MYCT1: variants seen among roughly 807,000 people sequenced by gnomAD.
MYCT1 encodes myc target protein 1.
Under a neutral mutation model 15.0 loss-of-function variants are expected in MYCT1, and 12 were observed. The ratio of observed to expected loss-of-function variants is 0.80; its 90% CI spans 0.51 to 1.29. MYCT1 has a LOEUF of 1.29. Among genes scored for constraint, MYCT1 ranks in the 50% most tolerant of loss-of-function variants. MYCT1 has a pLI of 0.00. For missense variants in MYCT1, 287 were observed against 279.1 expected (o/e 1.03, Z -0.20); for synonymous variants, 104 against 102.7 (o/e 1.01, Z -0.07).
At chr6:152,740,618 A>T in the MYCT1 span, among the ~76,000 whole-genome samples, 1 of 152,212 alleles carries the variant, frequency 6.6e-6, no homozygotes, top group Non-Finnish European at 1.5e-5. Flanking sequence ...TAATTAGTTG[A>T]CACCATTTCA....
Position 152,698,022 on chromosome 6 carries a change from C to A in MYCT1, c.120C>A (p.Leu40=). The change falls in exon 1 of 2, where the codon CTC becomes CTA. Residue 40 remains leucine (L), a synonymous_variant. Coordinates refer to ENST00000367245, the MANE Select transcript of MYCT1 (RefSeq NM_025107.3). The part of the protein sequence containing the change: ...DILVFLSVFL[L]FLLFLVDIMA... ...TGGTTTTTCTTTCTGTTTTTCTTCT[C>A]TTTCTTCTATTTCTTGTGGATATTA... The A allele has an allele frequency of 6.2e-7, 1 of 1,610,204 alleles. No homozygotes were observed. Among genetic ancestry groups the A allele is most frequent in the Non-Finnish European group, 8.5e-7 (1 of 1,178,382 alleles).
chr6:152,703,559 T>C lies in MYCT1; in HGVS notation c.196+5461T>C, dbSNP rs548197140. Among the ~76,000 whole-genome samples, 12 of 151,878 alleles carry C rather than the reference T, an allele frequency of 7.9e-5. No individual in the cohort carries two copies. The South Asian group carries it at 1.9e-3, about 24-fold the overall frequency. On this transcript the variant is annotated intron_variant, in intron 1 of 1. Transcript: ENST00000367245. ...AGGCATCAATACAGTTCCCCCTAAT[T>C]ACTTTAGTATGCATATCATTAACAG...
chr6:152,744,833 G>A, the MYCT1 span, among the ~76,000 whole-genome samples: 1 of 152,190 alleles, frequency 6.6e-6, no homozygotes, highest in Admixed American at 6.5e-5. Context: ...TCCCAGCAGA[G>A]GCGGGAGCTG....
At chr6:152,706,985 T>G (rs2099722398) in intron 1 of MYCT1, among the ~76,000 whole-genome samples, 1 of 152,078 alleles carries the variant, frequency 6.6e-6, no homozygotes, top group Non-Finnish European at 1.5e-5. Flanking sequence ...AGTGCAGATA[T>G]CTCTTAGAGA....
At chr6:152,715,803 C>T (rs2099723546) in intron 1 of MYCT1, among the ~76,000 whole-genome samples, 1 of 152,008 alleles carries the variant, frequency 6.6e-6, no homozygotes, top group African/African-American at 2.4e-5. Context: ...AAGTCAGGAG[C>T]CAGCCCATCT....
Position 152,698,063 on chromosome 6 carries a change from C to T in MYCT1, c.161C>T (p.Thr54Ile), listed in dbSNP as rs777684773. 5 of 1,602,954 alleles carry T rather than the reference C, an allele frequency of 3.1e-6. No individual in the cohort carries two copies. The highest frequency in any genetic ancestry group is 4.2e-6 in the Non-Finnish European group (5 of 1,176,756). The change falls in exon 1 of 2, where the codon ACA becomes ATA. Residue 54 changes from threonine (T) to isoleucine (I), a missense_variant. Physicochemically the swap from Thr to Ile is moderately conservative, Grantham distance 89. Coordinates refer to ENST00000367245, the MANE Select transcript of MYCT1 (RefSeq NM_025107.3). ...FLVDIMANNT[T>I]SLGSPWPENF... The stretch of plus-strand genomic sequence containing the variant: ...GTGGATATTATGGCTAATAACACAA[C>T]AAGTTTAGGGAGTCCATGGCCAGAA...
intron 1 of MYCT1, among the ~76,000 whole-genome samples, chr6:152,698,933 C>G (rs1277077906): frequency 6.6e-5 from 10 of 152,030 alleles, no homozygotes; most frequent in Admixed American, 6.6e-4. Flanking sequence ...AAGATGGGCT[C>G]ACATGGGGAG....
the MYCT1 span, among the ~76,000 whole-genome samples, chr6:152,737,537 A>G: frequency 6.6e-6 from 1 of 152,030 alleles, no homozygotes; most frequent in Non-Finnish European, 1.5e-5. Context: ...CCATTACACT[A>G]TGCTCCCTCT....
At chr6:152,745,197 C>T in the MYCT1 span, among the ~76,000 whole-genome samples, 1 of 152,190 alleles carries the variant, frequency 6.6e-6, no homozygotes, top group Non-Finnish European at 1.5e-5. Flanking sequence ...GCAGGCTCTT[C>T]CCAGGCAAAC....
the MYCT1 span, among the ~76,000 whole-genome samples, chr6:152,730,020 A>ATG: frequency 2.6e-5 from 4 of 152,230 alleles, no homozygotes; most frequent in Non-Finnish European, 4.4e-5. Flanking sequence ...TAAAATGTAG[A>ATG]TGTGCCAATC....
the MYCT1 span, among the ~76,000 whole-genome samples, chr6:152,739,673 C>A: frequency 6.6e-6 from 1 of 151,904 alleles, no homozygotes; most frequent in Non-Finnish European, 1.5e-5. Flanking sequence ...TACCCATTTG[C>A]AATGAATGCT....
chr6:152,728,962 C>A (rs1267510148), downstream of MYCT1, among the ~76,000 whole-genome samples: 1 of 152,120 alleles, frequency 6.6e-6, no homozygotes, highest in Non-Finnish European at 1.5e-5. Context: ...CAACAGAATA[C>A]AGTCAAATTT....
the MYCT1 span, among the ~76,000 whole-genome samples, chr6:152,737,567 T>C: frequency 3.3e-5 from 5 of 152,110 alleles, no homozygotes; most frequent in East Asian, 7.7e-4. Flanking sequence ...AATATGATCA[T>C]ACTATTTGCT....
At chr6:152,712,848 T>C (rs1034381880) in intron 1 of MYCT1, among the ~76,000 whole-genome samples, 5 of 152,106 alleles carry the variant, frequency 3.3e-5, no homozygotes, top group Non-Finnish European at 7.4e-5. Flanking sequence ...GTTTTTTTTG[T>C]TAACCTTTGA....
At chr6:152,707,194 A>G (rs1366920072) in intron 1 of MYCT1, among the ~76,000 whole-genome samples, 1 of 152,032 alleles carries the variant, frequency 6.6e-6, no homozygotes. Context: ...GATAATAGGC[A>G]TTTTGGCATG....
downstream of MYCT1, among the ~76,000 whole-genome samples, chr6:152,728,407 G>A (rs918909597): frequency 1.3e-5 from 2 of 152,096 alleles, no homozygotes; most frequent in Non-Finnish European, 2.9e-5. Flanking sequence ...GGAGCAAATT[G>A]AGGGAAAAAA....
the MYCT1 span, among the ~76,000 whole-genome samples, chr6:152,741,626 G>C: frequency 6.6e-6 from 1 of 152,068 alleles, no homozygotes; most frequent in Non-Finnish European, 1.5e-5. Flanking sequence ...TTCTAAAGGG[G>C]TAATGAATCA....
intron 1 of MYCT1, among the ~76,000 whole-genome samples, chr6:152,713,017 TTTG>T (rs2099723028): frequency 6.6e-6 from 1 of 152,032 alleles, no homozygotes; most frequent in South Asian, 2.1e-4. Context: ...CTTTCCTCTG[TTTG>T]GGGGATTATA....
At chr6:152,731,411 T>G in the MYCT1 span, among the ~76,000 whole-genome samples, 17 of 152,310 alleles carry the variant, frequency 1.1e-4, 2 homozygotes, top group Admixed American at 9.8e-4. Flanking sequence ...AGGGTACATG[T>G]GCACAACATG....
Sources: gnomAD v4.1 joint callset for allele counts (sites outside exome capture counted in the v4.1 genomes callset) on GRCh38, gnomAD v4.1.1 for gene constraint, MANE v1.5 for transcripts, NCBI Gene and HGNC (gene_info 2026-07-23, HGNC 2026-07-21) for gene names.